Variants in KDM4B observed in about 807,000 individuals in gnomAD.
KDM4B encodes lysine-specific demethylase 4B.
KDM4B carries 32 observed loss-of-function variants against 125.2 expected under a neutral mutation model. That is an observed-to-expected ratio of 0.26 (90% CI 0.19 to 0.34). The LOEUF (loss-of-function observed/expected upper bound fraction) is 0.34. KDM4B is among the 10% of genes least tolerant of loss of function. The pLI is 1.00. For synonymous variants in KDM4B, 721 were observed against 677.9 expected (o/e 1.06, Z -0.99); for missense variants, 1,190 against 1,577.7 (o/e 0.75, Z 4.16).
intron 9 of KDM4B, among the ~76,000 whole-genome samples, chr19:5,087,367 C>T (rs1052210413): frequency 2.0e-5 from 3 of 152,208 alleles, no homozygotes; most frequent in African/African-American, 7.2e-5. Flanking sequence ...GTCCCCACCC[C>T]CGGCTCTCCA....
At chr19:5,137,879 G>A (rs1313753811) in intron 17 of KDM4B, 83 bp from the exon 18 acceptor site, 9 of 1,271,614 alleles carry the variant, frequency 7.1e-6, no homozygotes, top group Non-Finnish European at 8.8e-6. Context: ...TGACCCAGCC[G>A]ACAGCCACAT....
In KDM4B at chr19:5,131,878, G is replaced by A. The variant is rs772320992; in HGVS notation, c.1786-9G>A. On this transcript the variant is annotated splice_polypyrimidine_tract_variant and intron_variant, in intron 12 of 22. Transcript: ENST00000159111. The stretch of plus-strand genomic sequence containing the variant: ...CGGGGCCCTCACTACAGCCTGTTGT[G>A]TGTTTCAGGCACCGTCCACATTTTC... 1.9e-6 allele frequency: 3 copies of A among 1,612,774 alleles called. No homozygotes were observed. The highest frequency in any genetic ancestry group is 2.5e-6 in the Non-Finnish European group (3 of 1,179,848).
At chr19:5,085,514 G>C (rs2038462156) in intron 9 of KDM4B, among the ~76,000 whole-genome samples, 1 of 152,344 alleles carries the variant, frequency 6.6e-6, no homozygotes, top group South Asian at 2.1e-4. Context: ...TTGGGGTTCA[G>C]CCATGTGTTC....
At chr19:4,991,175 A>G (rs1432724456) in intron 1 of KDM4B, among the ~76,000 whole-genome samples, 1 of 152,278 alleles carries the variant, frequency 6.6e-6, no homozygotes, top group African/African-American at 2.4e-5. Context: ...ATTTGACTAC[A>G]CAGAAAGGTA....
intron 1 of KDM4B, among the ~76,000 whole-genome samples, chr19:4,988,179 C>G (rs2034905917): frequency 6.6e-6 from 1 of 152,236 alleles, no homozygotes; most frequent in Non-Finnish European, 1.5e-5. Context: ...GGCTCCTCCC[C>G]ACGTACCTAA....
chr19:4,981,749 T>G (rs2034650726), intron 1 of KDM4B, among the ~76,000 whole-genome samples: 1 of 152,166 alleles, frequency 6.6e-6, no homozygotes, highest in African/African-American at 2.4e-5. Context: ...GCTCTCCCTG[T>G]GGGGACAGTG....
chr19:4,989,017 G>A (rs197143), intron 1 of KDM4B, among the ~76,000 whole-genome samples: 44,566 of 152,144 alleles, frequency 0.29, 7,241 homozygotes, highest in East Asian at 0.69. Flanking sequence ...TGGGGGAGTC[G>A]TAGGCCAGGA....
intron 1 of KDM4B, among the ~76,000 whole-genome samples, chr19:4,979,682 G>T (rs2034570732): frequency 6.6e-6 from 1 of 152,208 alleles, no homozygotes; most frequent in Non-Finnish European, 1.5e-5. Context: ...CCAACTATTG[G>T]CGTCAGTGTG....
intron 11 of KDM4B, among the ~76,000 whole-genome samples, chr19:5,129,824 T>A (rs1397619422): frequency 6.6e-6 from 1 of 152,222 alleles, no homozygotes; most frequent in African/African-American, 2.4e-5. Flanking sequence ...CACGGTGTTC[T>A]GGGGTCCACA....
In KDM4B at chr19:5,131,361, GGCC is replaced by G; in HGVS notation, c.1603_1605del (p.Pro535del). The G allele has an allele frequency of 6.2e-7, 1 of 1,611,986 alleles. No homozygotes were observed. Among genetic ancestry groups the G allele is most frequent in the East Asian group, 2.2e-5 (1 of 44,738 alleles). ...ATCCCCATGCTGTACGTGGTGCCGC[GGCC>G]GGGCAAGGCAGCCTTCAACCAGGAG... On this transcript the variant is annotated inframe_deletion, in exon 12 of 23. Coordinates refer to ENST00000159111, the MANE Select transcript of KDM4B (RefSeq NM_015015.3).
chr19:5,041,305 T>G lies in KDM4B; in HGVS notation c.432+54T>G, dbSNP rs2240679. 367,340 of 1,404,750 alleles carry G rather than the reference T, an allele frequency of 0.26. 53,666 individuals carry two copies. Among genetic ancestry groups the G allele is most frequent in the East Asian group, 0.68 (29,131 of 43,018 alleles). The allele number at this position is 1,404,750 out of a possible 1,614,324, so 87.0% of individuals were successfully genotyped here. A position where few individuals can be genotyped will look rare whatever the true frequency, so the allele number is the denominator to read the frequency against. On this transcript the variant is annotated intron_variant, in intron 5 of 22. Coordinates refer to ENST00000159111, the MANE Select transcript of KDM4B (RefSeq NM_015015.3). Reference sequence around the variant, plus strand: ...GGACCAGCTTCCTGGTGGGTGGTGGTGGGAGGGCCCTGAACGGGACTCTGC... The same window carrying G: ...GGACCAGCTTCCTGGTGGGTGGTGGGGGGAGGGCCCTGAACGGGACTCTGC...
intron 7 of KDM4B, among the ~76,000 whole-genome samples, chr19:5,072,872 C>G (rs1266277908): frequency 6.6e-6 from 1 of 152,186 alleles, no homozygotes; most frequent in African/African-American, 2.4e-5. Context: ...TAGAGGCCGC[C>G]CGCATTCCTT....
chr19:5,075,950 G>T (rs1233180086), intron 7 of KDM4B: 3 of 157,144 alleles, frequency 1.9e-5, no homozygotes, highest in Non-Finnish European at 4.2e-5. Flanking sequence ...TTGAAAGCAG[G>T]TGCCCAAGGG....
At chr19:5,138,501 A>C in intron 18 of KDM4B, 1 of 170,412 alleles carries the variant, frequency 5.9e-6, no homozygotes, top group Non-Finnish European at 1.3e-5. Context: ...AAAAAAATAA[A>C]AAACACTAGC....
chr19:5,021,960 C>T (rs910462090), intron 2 of KDM4B, among the ~76,000 whole-genome samples: 4 of 152,062 alleles, frequency 2.6e-5, no homozygotes, highest in African/African-American at 7.2e-5. Flanking sequence ...AGACTTGGCA[C>T]GCATTTTTTG....
Position 5,047,259 on chromosome 19 carries a change from C to T in KDM4B, c.433-217C>T, listed in dbSNP as rs2037054710. 9 of 526,234 alleles carry T rather than the reference C, an allele frequency of 1.7e-5. No individual in the cohort carries two copies. The South Asian group carries it at 1.9e-4, about 11-fold the overall frequency. 32.6% of individuals were successfully genotyped at this position (526,234 alleles called of 1,614,324 possible). A position where few individuals can be genotyped will look rare whatever the true frequency, so the allele number is the denominator to read the frequency against. On this transcript the variant is annotated intron_variant, in intron 5 of 22. Coordinates refer to ENST00000159111, the MANE Select transcript of KDM4B (RefSeq NM_015015.3). ...GTTGAGGCTGCAGTGAGCTATGATTCTGCCACTGCACTCCAGCCTGGGCAA... is the reference window on the plus strand; with the variant it reads ...GTTGAGGCTGCAGTGAGCTATGATTTTGCCACTGCACTCCAGCCTGGGCAA...
In KDM4B at chr19:4,972,000, C is replaced by T. The variant is rs963418336; in HGVS notation, c.-109+2770C>T. Among the ~76,000 whole-genome samples, 2 of 152,320 alleles carry T rather than the reference C, an allele frequency of 1.3e-5. No individual in the cohort carries two copies. The highest frequency in any genetic ancestry group is 2.4e-5 in the African/African-American group (1 of 41,562). On this transcript the variant is annotated intron_variant, in intron 1 of 22. Transcript: ENST00000159111. This position sits in a 1 kb window ranked among gnomAD's most constrained non-coding sequence, Gnocchi z 4.1. The stretch of plus-strand genomic sequence containing the variant: ...ACTGGTCACCGCCATGACAGATCGG[C>T]CGTCCTCATCCACAGCCTCACCCTA...
intron 7 of KDM4B, 21 bp from the exon 8 acceptor site, chr19:5,077,346 C>T (rs748302960): frequency 5.0e-6 from 8 of 1,605,190 alleles, no homozygotes; most frequent in Admixed American, 3.3e-5. Context: ...AGGAGACTGA[C>T]GTCTGTCTTT....
intron 1 of KDM4B, among the ~76,000 whole-genome samples, chr19:4,993,229 G>A (rs1380592796): frequency 2.6e-5 from 4 of 152,048 alleles, no homozygotes; most frequent in African/African-American, 7.2e-5. Flanking sequence ...GGCCAACAAG[G>A]CAAAACCCTG....
Sources: allele counts gnomAD v4.1 joint callset (sites outside exome capture counted in the v4.1 genomes callset), GRCh38; gene constraint gnomAD v4.1.1; non-coding constraint Gnocchi (gnomAD v3.1); transcripts MANE v1.5; gene names NCBI Gene and HGNC (gene_info 2026-07-23, HGNC 2026-07-21).